Variants in CNN2 observed in about 807,000 individuals in gnomAD.
CNN2 encodes the protein calponin-2.
Under a neutral mutation model 31.0 loss-of-function variants are expected in CNN2, and 21 were observed. That is an observed-to-expected ratio of 0.68 (90% CI 0.48 to 0.98). CNN2 has a LOEUF of 0.98. CNN2 is among the 50% of genes least tolerant of loss of function. CNN2 has a pLI of 0.00. For synonymous variants in CNN2, 165 were observed against 179.6 expected (o/e 0.92, Z 0.65); for missense variants, 399 against 427.3 (o/e 0.93, Z 0.58).
chr19:1,026,751 C>A, intron 1 of CNN2, 27 bp downstream of exon 1: 1 of 1,544,786 alleles, frequency 6.5e-7, no homozygotes, highest in African/African-American at 1.4e-5. Context: ...CCTTGTCCCC[C>A]CGACAGCGCG....
intron 1 of CNN2, among the ~76,000 whole-genome samples, chr19:1,028,276 G>A (rs1008796590): frequency 1.2e-4 from 17 of 145,532 alleles, no homozygotes; most frequent in South Asian, 6.7e-4. Flanking sequence ...GTGGGGGCAG[G>A]TTGATACCTG....
At chr19:1,028,532 G>A (rs974711231) in intron 1 of CNN2, among the ~76,000 whole-genome samples, 1 of 152,200 alleles carries the variant, frequency 6.6e-6, no homozygotes, top group Non-Finnish European at 1.5e-5. Flanking sequence ...ACTCCCGGCT[G>A]GACGGCACGG....
chr19:1,026,956 AT>A (rs956494420), intron 1 of CNN2: 1 of 481,272 alleles, frequency 2.1e-6, no homozygotes, highest in South Asian at 2.5e-5. Flanking sequence ...CGAGTGACCC[AT>A]TCCCCCCCCC....
chr19:1,029,171 C>G (rs1470302094), intron 1 of CNN2, among the ~76,000 whole-genome samples: 57 of 100,636 alleles, frequency 5.7e-4, no homozygotes, highest in African/African-American at 1.0e-3. Flanking sequence ...AGGTCCAGCT[C>G]AGGGGACCCT....
chr19:1,035,056 G>GAC (rs775867422), intron 4 of CNN2, among the ~76,000 whole-genome samples: 32 of 28,684 alleles, frequency 1.1e-3, no homozygotes, highest in South Asian at 2.0e-3. Flanking sequence ...GCGTGGGTGG[G>GAC]ACGGTGTCTG....
At position 1,032,472 on chromosome 19, in the gene CNN2, G is replaced by C; in HGVS notation, c.252+14G>C. ...AACTGGCACCAGGTGAGGGGCTGGT[G>C]GAGCGGAGCAGGGATGGTGCTGGGG... is the stretch of plus-strand genomic sequence containing the variant. On this transcript the variant is annotated intron_variant, in intron 3 of 6. Coordinates refer to ENST00000263097, the MANE Select transcript of CNN2 (RefSeq NM_004368.4). 6.2e-7 allele frequency: 1 copy of C among 1,613,526 alleles called. No individual in the cohort carries two copies. Among genetic ancestry groups the C allele is most frequent in the Non-Finnish European group, 8.5e-7 (1 of 1,179,886 alleles).
chr19:1,031,263 T>C, intron 2 of CNN2, 71 bp downstream of exon 2: 3 of 1,387,324 alleles, frequency 2.2e-6, no homozygotes, highest in South Asian at 2.9e-5. Context: ...TTTTTCTTAA[T>C]TAAGAAATTT....
intron 1 of CNN2, 100 bp downstream of exon 1, chr19:1,026,824 A>G: frequency 8.5e-7 from 1 of 1,175,142 alleles, no homozygotes; most frequent in South Asian, 1.6e-5. Flanking sequence ...CCGGGCAGGG[A>G]GCTTGGAGAC....
chr19:1,037,843 G>C lies in CNN2; in HGVS notation c.873G>C (p.Pro291=), dbSNP rs79061930. ...DGAPSGTGDC[P]DPGEVPEYPP... ...CTCCCTCGGGCACCGGCGACTGCCC[G>C]GACCCGGGGGAGGTCCCTGAATATC... Residue 291 remains proline (P), a synonymous_variant, in exon 7 of 7, where the codon CCG becomes CCC. Coordinates refer to ENST00000263097, the MANE Select transcript of CNN2 (RefSeq NM_004368.4). 7.3e-5 allele frequency: 114 copies of C among 1,555,218 alleles called. No homozygotes were observed. Among genetic ancestry groups the C allele is most frequent in the Non-Finnish European group, 9.3e-5 (107 of 1,148,852 alleles).
At position 1,037,776 on chromosome 19, in the gene CNN2, A is replaced by G. The variant is rs2039616351; in HGVS notation, c.806A>G (p.Tyr269Cys). 11 of 1,611,612 alleles carry G rather than the reference A, an allele frequency of 6.8e-6. No individual in the cohort carries two copies. Among genetic ancestry groups the G allele is most frequent in the Non-Finnish European group, 7.6e-6 (9 of 1,180,010 alleles). Residue 269 changes from tyrosine (Y) to cysteine (C), a missense_variant, in exon 7 of 7, where the codon TAT becomes TGT. By Grantham distance (194) the Tyr-to-Cys change is radical. Coordinates refer to ENST00000263097, the MANE Select transcript of CNN2 (RefSeq NM_004368.4). ...GQVFGLGRQI[Y>C]DPKYCPQGTV... The stretch of plus-strand genomic sequence containing the variant: ...GTCTTCGGCCTGGGCCGGCAGATAT[A>G]TGACCCCAAGTACTGCCCGCAAGGC...
chr19:1,026,872 TG>T (rs2039405106), intron 1 of CNN2, 148 bp downstream of exon 1: 8 of 722,378 alleles, frequency 1.1e-5, no homozygotes, highest in Admixed American at 3.6e-5. Context: ...TGACGCCTGG[TG>T]GGGGGATGTC....
chr19:1,031,211 A>G lies in CNN2; in HGVS notation c.185+19A>G. On this transcript the variant is annotated intron_variant, in intron 2 of 6. Transcript: ENST00000263097. ...TATGCACGTGAGTACACGCAGGGAC[A>G]CAGGCTGTCTCACACTTAACAAATC... 1 of 1,582,110 alleles carries G rather than the reference A, an allele frequency of 6.3e-7. No individual in the cohort carries two copies. Among genetic ancestry groups the G allele is most frequent in the Non-Finnish European group, 8.6e-7 (1 of 1,160,264 alleles).
At chr19:1,036,961 C>G (rs1309353959) in intron 6 of CNN2, 1 of 285,442 alleles carries the variant, frequency 3.5e-6, no homozygotes. Context: ...TCAAGAGATT[C>G]TCCTTCCTGC....
chr19:1,035,933 TA>T (rs2039574268), intron 4 of CNN2, 196 bp from the exon 5 acceptor site: 2 of 778,172 alleles, frequency 2.6e-6, no homozygotes, highest in Admixed American at 7.7e-5. Flanking sequence ...AAAATAAAAA[TA>T]AAAAACTGAA....
chr19:1,036,465 C>T lies in CNN2; in HGVS notation c.557C>T (p.Thr186Met), dbSNP rs368256096. 12 of 1,612,966 alleles carry T rather than the reference C, an allele frequency of 7.4e-6. No individual in the cohort carries two copies. Among genetic ancestry groups the T allele is most frequent in the East Asian group, 2.2e-5 (1 of 44,890 alleles). Residue 186 changes from threonine to methionine, a missense_variant, in exon 6 of 7, where the codon ACG (threonine) becomes ATG (methionine). Transcript: ENST00000263097. ...CAGTCGGGCATGACTGCCTACGGCA[C>T]GAGAAGGCATCTCTATGACCCCAAG... is the stretch of plus-strand genomic sequence containing the variant. ...ASQSGMTAYG[T>M]RRHLYDPKNH...
intron 1 of CNN2, among the ~76,000 whole-genome samples, chr19:1,030,037 G>A (rs149522425): frequency 2.0e-5 from 3 of 152,040 alleles, no homozygotes; most frequent in East Asian, 1.9e-4. Flanking sequence ...TTTATCTCCC[G>A]CTCCCGCTAC....
chr19:1,035,592 G>T (rs2039568447), intron 4 of CNN2, among the ~76,000 whole-genome samples: 1 of 152,180 alleles, frequency 6.6e-6, no homozygotes. Flanking sequence ...GCCCTGGAAA[G>T]CTGAGCTGTT....
At position 1,035,421 on chromosome 19, in the gene CNN2, G is replaced by A. The variant is rs879917779; in HGVS notation, c.391-709G>A. Among the ~76,000 whole-genome samples the A allele has an allele frequency of 1.1e-4, 16 of 152,114 alleles. 1 individual carries two copies. Among genetic ancestry groups the A allele is most frequent in the South Asian group, 8.3e-4 (4 of 4,836 alleles). On this transcript the variant is annotated intron_variant, in intron 4 of 6. Coordinates refer to ENST00000263097, the MANE Select transcript of CNN2 (RefSeq NM_004368.4). ...CCCCTGTGGCTCCCAGTAACCTCAC[G>A]TGGGGAATGGTGGTCAGGGAGGAGC...
At chr19:1,031,338 T>TGGGGGGGGGGGGGGGGGG in intron 2 of CNN2, 146 bp downstream of exon 2, 1 of 33,998 alleles carries the variant, frequency 2.9e-5, no homozygotes, top group Non-Finnish European at 5.7e-5. Flanking sequence ...CCGAGGGTGG[T>TGGGGGGGGGGGGGGGGGG]GGCGGGGGGC....
Sources: gnomAD v4.1 joint callset for allele counts (sites outside exome capture counted in the v4.1 genomes callset) on GRCh38, gnomAD v4.1.1 for gene constraint, MANE v1.5 for transcripts, NCBI Gene and HGNC (gene_info 2026-07-23, HGNC 2026-07-21) for gene names.